Variants in FREM2 observed in about 807,000 individuals in gnomAD.
FREM2 encodes FRAS1-related extracellular matrix protein 2.
A neutral mutation model predicts 219.9 loss-of-function variants in FREM2; 119 were observed. The ratio of observed to expected loss-of-function variants is 0.54; its 90% CI spans 0.47 to 0.63. FREM2 has a LOEUF of 0.63. Among genes scored for constraint, FREM2 ranks in the 30% least tolerant of loss-of-function variants. FREM2 has a pLI of 0.00. For synonymous variants in FREM2, 1,562 were observed against 1,522.8 expected (o/e 1.03, Z -0.60); for missense variants, 4,030 against 3,993.6 (o/e 1.01, Z -0.25).
In FREM2 at chr13:38,690,312, TTGTA is replaced by T. The variant is rs867015467; in HGVS notation, c.2971_2974del (p.Tyr991GlyfsTer32). On this transcript the variant is annotated frameshift_variant, in exon 1 of 24. Coordinates refer to ENST00000280481, the MANE Select transcript of FREM2 (RefSeq NM_207361.6). LOFTEE classifies it high-confidence loss of function. The stretch of plus-strand genomic sequence containing the variant: ...GACTTTCCTCTTGGAAGATCCACCT[TTGTA>T]TGGGGAAATCTTGGTCAATGGCATT... The T allele has an allele frequency of 6.2e-7, 1 of 1,614,164 alleles. No homozygotes were observed. The highest frequency in any genetic ancestry group is 8.5e-7 in the Non-Finnish European group (1 of 1,180,028).
chr13:38,720,839 G>C (rs1871205188), intron 2 of FREM2, among the ~76,000 whole-genome samples: 1 of 152,186 alleles, frequency 6.6e-6, no homozygotes, highest in Non-Finnish European at 1.5e-5. Flanking sequence ...GGAGATGTCA[G>C]GATGTCCAGA....
At chr13:38,764,720 A>G (rs1873367405) in intron 3 of FREM2, among the ~76,000 whole-genome samples, 1 of 152,204 alleles carries the variant, frequency 6.6e-6, no homozygotes, top group South Asian at 2.1e-4. Context: ...AGATCTTAGA[A>G]TGAGCTTAGG....
chr13:38,787,706 TTAA>T (rs1029526852), intron 6 of FREM2, among the ~76,000 whole-genome samples: 9 of 150,488 alleles, frequency 6.0e-5, no homozygotes, highest in African/African-American at 9.7e-5. Flanking sequence ...TTATTATTTA[TTAA>T]TGTTATTTAT....
intron 6 of FREM2, among the ~76,000 whole-genome samples, chr13:38,804,234 G>A (rs887771931): frequency 6.6e-6 from 1 of 151,586 alleles, no homozygotes; most frequent in Non-Finnish European, 1.5e-5. Context: ...CTAACAATTC[G>A]CTGAAAGTCA....
intron 4 of FREM2, among the ~76,000 whole-genome samples, chr13:38,782,741 T>C (rs904255814): frequency 1.3e-5 from 2 of 152,212 alleles, no homozygotes; most frequent in African/African-American, 2.4e-5. Context: ...TGGTGCTCCA[T>C]TGGAAGGTGT....
chr13:38,876,158 C>A lies in FREM2; in HGVS notation c.8409+9C>A, dbSNP rs1878332721. ...TTGTCTCTGACTTTGCCGTAAGTGA[C>A]TAAGACTCTTAATTAATTTTCTTCT... On this transcript the variant is annotated intron_variant, in intron 19 of 23. Transcript: ENST00000280481. 1 of 1,613,994 alleles carries A rather than the reference C, an allele frequency of 6.2e-7. No individual in the cohort carries two copies.
At chr13:38,705,150 G>C (rs139512934) in intron 2 of FREM2, among the ~76,000 whole-genome samples, 1 of 152,264 alleles carries the variant, frequency 6.6e-6, no homozygotes, top group African/African-American at 2.4e-5. Context: ...GCAGCAAGGG[G>C]AAACAGGAAG....
Position 38,690,088 on chromosome 13 carries a change from C to T in FREM2, c.2744C>T (p.Ser915Phe). ...NGDKSLTDSC[S>F]LEVSDRHHVV... ...GACAAGTCCCTGACTGATAGCTGCT[C>T]CTTGGAAGTCAGTGACAGACATCAT... is the stretch of plus-strand genomic sequence containing the variant. Residue 915 changes from serine (S) to phenylalanine (F), a missense_variant, in exon 1 of 24, where the codon TCC becomes TTC. Physicochemically the swap from Ser to Phe is radical, Grantham distance 155 (BLOSUM62 -2). Transcript: ENST00000280481. 1 of 1,614,104 alleles carries T rather than the reference C, an allele frequency of 6.2e-7. No homozygotes were observed. The highest frequency in any genetic ancestry group is 8.5e-7 in the Non-Finnish European group (1 of 1,180,032).
At chr13:38,777,994 A>G (rs995022330) in intron 4 of FREM2, among the ~76,000 whole-genome samples, 7 of 152,240 alleles carry the variant, frequency 4.6e-5, no homozygotes, top group African/African-American at 1.7e-4. Flanking sequence ...CACTGGCAAG[A>G]AGTCCTGGCT....
intron 13 of FREM2, among the ~76,000 whole-genome samples, chr13:38,858,291 G>GA (rs1292274963): frequency 6.6e-6 from 1 of 152,112 alleles, no homozygotes; most frequent in African/African-American, 2.4e-5. Context: ...AATAAGATAT[G>GA]AAGTCTGCAT....
At chr13:38,757,646 G>A (rs1254312341) in intron 2 of FREM2, among the ~76,000 whole-genome samples, 2 of 151,558 alleles carry the variant, frequency 1.3e-5, no homozygotes, top group African/African-American at 4.9e-5. Context: ...CCAGTCTAGA[G>A]TGCAGTGGTG....
In FREM2 at chr13:38,693,601, T is replaced by G. The variant is rs569705379; in HGVS notation, c.5173+1084T>G. On this transcript the variant is annotated intron_variant, in intron 1 of 23. Transcript: ENST00000280481. Reference sequence around the variant, plus strand: ...GGTTGCTTTCATGAAAATCTCACCATGTCAGAATGGACACTAGATCTTTCC... The same window carrying G: ...GGTTGCTTTCATGAAAATCTCACCAGGTCAGAATGGACACTAGATCTTTCC... Among the ~76,000 whole-genome samples, 10 of 152,340 alleles carry G rather than the reference T, an allele frequency of 6.6e-5. No individual in the cohort carries two copies. In the South Asian group the frequency reaches 1.7e-3, roughly 25 times the overall value.
intron 6 of FREM2, among the ~76,000 whole-genome samples, chr13:38,816,950 A>G (rs1875791625): frequency 1.3e-5 from 2 of 152,140 alleles, no homozygotes; most frequent in Admixed American, 1.3e-4. Flanking sequence ...AAAGAAATCA[A>G]GAAAACAGTT....
chr13:38,777,352 G>T (rs1467220262), intron 4 of FREM2, among the ~76,000 whole-genome samples: 1 of 152,076 alleles, frequency 6.6e-6, no homozygotes, highest in East Asian at 1.9e-4. Flanking sequence ...TGTAAGTGAT[G>T]CTCCCACTCC....
rs1471051703 is a variant in FREM2, at chr13:38,783,142, G to A, written c.5714G>A (p.Arg1905Lys). The change falls in exon 5 of 24, where the codon AGG becomes AAG. Residue 1905 changes from arginine to lysine, a missense_variant. Transcript: ENST00000280481. ...EDVGELFIPIRRSGDVSQELM... is the reference protein window; with the variant it reads ...EDVGELFIPIKRSGDVSQELM... ...GTTGGTGAGCTGTTCATTCCCATCAGGAGGAGCGGAGATGTGAGCCAGGAG... is the reference window on the plus strand; with the variant it reads ...GTTGGTGAGCTGTTCATTCCCATCAAGAGGAGCGGAGATGTGAGCCAGGAG... 6.8e-6 allele frequency: 11 copies of A among 1,614,028 alleles called. No homozygotes were observed. Among genetic ancestry groups the A allele is most frequent in the Non-Finnish European group, 9.3e-6 (11 of 1,179,936 alleles).
chr13:38,695,635 G>A (rs1214075702), intron 1 of FREM2, among the ~76,000 whole-genome samples: 1 of 152,114 alleles, frequency 6.6e-6, no homozygotes, highest in Non-Finnish European at 1.5e-5. Context: ...TTCTCCACAT[G>A]GCCAGAGGTC....
chr13:38,755,273 A>T (rs575246824), intron 2 of FREM2, among the ~76,000 whole-genome samples: 1 of 152,066 alleles, frequency 6.6e-6, no homozygotes, highest in Non-Finnish European at 1.5e-5. Flanking sequence ...GTTGCCCAAC[A>T]TCTGCACAGC....
At chr13:38,859,694 A>G (rs1877695603) in intron 14 of FREM2, 104 bp downstream of exon 14, 4 of 1,107,614 alleles carry the variant, frequency 3.6e-6, no homozygotes, top group Non-Finnish European at 5.4e-6. Flanking sequence ...CATATTCCAT[A>G]TATTTTGTAA....
In FREM2 at chr13:38,688,276, G is replaced by A; in HGVS notation, c.932G>A (p.Gly311Glu). ...EHFQVLVRIR[G>E]GAENTAPKPS... Reference sequence around the variant, plus strand: ...TTCCAGGTTCTGGTGAGGATCCGAGGAGGGGCCGAGAACACTGCACCCAAG... The same window carrying A: ...TTCCAGGTTCTGGTGAGGATCCGAGAAGGGGCCGAGAACACTGCACCCAAG... Residue 311 changes from glycine to glutamate, a missense_variant, in exon 1 of 24, where the codon GGA (glycine) becomes GAA (glutamate). This residue lies in a region of FREM2 where 3,102 missense variants were observed against 2,950.7 expected (regional missense o/e 1.05). Transcript: ENST00000280481. 6.2e-7 allele frequency: 1 copy of A among 1,614,138 alleles called. No homozygotes were observed. The highest frequency in any genetic ancestry group is 8.5e-7 in the Non-Finnish European group (1 of 1,180,054).
Sources: gnomAD v4.1 joint callset for allele counts (sites outside exome capture counted in the v4.1 genomes callset) on GRCh38, gnomAD v4.1.1 for gene constraint, gnomAD v4.1.1 regional missense constraint, MANE v1.5 for transcripts, NCBI Gene and HGNC (gene_info 2026-07-23, HGNC 2026-07-21) for gene names.